Variants in FBXO31 observed in about 807,000 individuals in gnomAD.
FBXO31 encodes the protein F-box protein 31.
In FBXO31, 24 loss-of-function variants were observed where a neutral mutation model predicts 54.4. The ratio of observed to expected loss-of-function variants is 0.44; its 90% CI spans 0.32 to 0.62. The LOEUF (loss-of-function observed/expected upper bound fraction) is 0.62, where lower values mean the gene tolerates loss of function less well. Among genes scored for constraint, FBXO31 ranks in the 20% least tolerant of loss-of-function variants. The pLI is 0.05. For missense variants in FBXO31, 665 were observed against 787.1 expected (o/e 0.84, Z 1.86); for synonymous variants, 388 against 335.6 (o/e 1.16, Z -1.71).
intron 1 of FBXO31, among the ~76,000 whole-genome samples, chr16:87,363,951 A>C (rs564411515): frequency 1.2e-3 from 179 of 152,352 alleles, no homozygotes; most frequent in African/African-American, 4.1e-3. Flanking sequence ...AATATTCACC[A>C]GCAAATGTTT....
intron 1 of FBXO31, among the ~76,000 whole-genome samples, chr16:87,370,231 T>C (rs951736438): frequency 6.6e-6 from 1 of 152,108 alleles, no homozygotes; most frequent in African/African-American, 2.4e-5. Flanking sequence ...GAAGGGAAGA[T>C]GAAGAGGACG....
At chr16:87,343,826 C>T (rs1416236336) in intron 3 of FBXO31, 61 bp from the exon 4 acceptor site, 13 of 1,578,802 alleles carry the variant, frequency 8.2e-6, no homozygotes, top group South Asian at 2.3e-5. Context: ...AGGGCGGCCC[C>T]GCACGGCTCC....
intron 2 of FBXO31, among the ~76,000 whole-genome samples, chr16:87,350,664 C>G (rs1428044881): frequency 6.6e-6 from 1 of 152,108 alleles, no homozygotes; most frequent in Non-Finnish European, 1.5e-5. Flanking sequence ...AATGGAGGTT[C>G]ACTGGACAAT....
intron 1 of FBXO31, among the ~76,000 whole-genome samples, chr16:87,381,893 A>G (rs1327383216): frequency 6.6e-6 from 1 of 152,046 alleles, no homozygotes; most frequent in Non-Finnish European, 1.5e-5. Flanking sequence ...GCACGGTGGC[A>G]CGCATCTGTA....
At chr16:87,367,048 G>T (rs966416642) in intron 1 of FBXO31, 4 of 151,988 alleles carry the variant, frequency 2.6e-5, no homozygotes, top group African/African-American at 9.7e-5. Flanking sequence ...AGGCACAGTG[G>T]CACACCTGTA....
intron 1 of FBXO31, among the ~76,000 whole-genome samples, chr16:87,377,005 C>G (rs1351855697): frequency 6.6e-6 from 1 of 152,240 alleles, no homozygotes; most frequent in Non-Finnish European, 1.5e-5. Flanking sequence ...TGCCCACGGT[C>G]TGATACCTGA....
At chr16:87,379,177 T>G (rs1011734744) in intron 1 of FBXO31, among the ~76,000 whole-genome samples, 10 of 151,998 alleles carry the variant, frequency 6.6e-5, no homozygotes, top group African/African-American at 1.9e-4. Context: ...CAGGCTGGAG[T>G]GCAATGGCAT....
intron 2 of FBXO31, among the ~76,000 whole-genome samples, chr16:87,348,912 G>A (rs992272844): frequency 7.2e-5 from 11 of 152,204 alleles, no homozygotes; most frequent in African/African-American, 1.4e-4. Flanking sequence ...GGAGTACACC[G>A]GAATCCAGCA....
In FBXO31 at chr16:87,335,437, C is replaced by G. The variant is rs1232052486; in HGVS notation, c.863G>C (p.Arg288Pro). 6.2e-7 allele frequency: 1 copy of G among 1,612,668 alleles called. No homozygotes were observed. Reference sequence around the variant, plus strand: ...GGGGCGGCTGGGCGGCAGGTAGATGCGGCGGTAGGTCAGGCAGTTGCTGTG... The same window carrying G: ...GGGGCGGCTGGGCGGCAGGTAGATGGGGCGGTAGGTCAGGCAGTTGCTGTG... ...SQYDNCLTYR[R>P]IYLPPSRPDD... The change falls in exon 7 of 9, where the codon CGC becomes CCC. Residue 288 changes from arginine (R) to proline (P), a missense_variant. Arg to Pro is a moderately radical substitution (Grantham distance 103, BLOSUM62 -2). Transcript: ENST00000311635. This position sits in a 1 kb window ranked among gnomAD's most constrained non-coding sequence, Gnocchi z 5.7.
At chr16:87,355,646 G>A (rs1485346080) in intron 2 of FBXO31, among the ~76,000 whole-genome samples, 1 of 152,194 alleles carries the variant, frequency 6.6e-6, no homozygotes, top group African/African-American at 2.4e-5. Context: ...ATGAACAACA[G>A]TATGTCAATC....
intron 1 of FBXO31, among the ~76,000 whole-genome samples, chr16:87,378,662 C>G (rs1459024773): frequency 2.6e-5 from 4 of 152,148 alleles, no homozygotes; most frequent in Non-Finnish European, 5.9e-5. Context: ...GAAAAATGTT[C>G]AAATATATAC....
chr16:87,370,712 CAG>C, intron 1 of FBXO31, among the ~76,000 whole-genome samples: 1 of 152,324 alleles, frequency 6.6e-6, no homozygotes, highest in East Asian at 1.9e-4. Flanking sequence ...CTCCCTGGAG[CAG>C]AGTGAAGCCA....
At chr16:87,375,307 AAAAAAC>A (rs1285540887) in intron 1 of FBXO31, among the ~76,000 whole-genome samples, 5 of 151,988 alleles carry the variant, frequency 3.3e-5, no homozygotes, top group African/African-American at 4.8e-5. Flanking sequence ...ACGCCGTCTC[AAAAAAC>A]AAAAACAAAA....
chr16:87,364,809 C>G (rs554635815), intron 1 of FBXO31, among the ~76,000 whole-genome samples: 1 of 151,052 alleles, frequency 6.6e-6, no homozygotes, highest in Non-Finnish European at 1.5e-5. Flanking sequence ...ATTACCTGAG[C>G]TCAGGAGTTA....
chr16:87,343,146 G>A (rs1340733425), intron 4 of FBXO31, among the ~76,000 whole-genome samples, 195 bp from the exon 5 acceptor site: 1 of 152,250 alleles, frequency 6.6e-6, no homozygotes, highest in Non-Finnish European at 1.5e-5. Flanking sequence ...CCAAGAGCAG[G>A]AGGCAGTGGC....
At position 87,335,519 on chromosome 16, in the gene FBXO31, CA is replaced by C; in HGVS notation, c.843-63del. 1 of 1,023,512 alleles carries C rather than the reference CA, an allele frequency of 9.8e-7. No homozygotes were observed. The allele number at this position is 1,023,512 out of a possible 1,614,324, so 63.4% of individuals were successfully genotyped here. ...TGGGGCAGGCAGGACTGAGAACGCC[CA>C]AGGTGCCAGGGATGAGCTTTGCAGG... On this transcript the variant is annotated intron_variant, in intron 6 of 8. Transcript: ENST00000311635. The surrounding 1 kb of genome is among the most constrained non-coding windows in gnomAD (Gnocchi z 5.7).
chr16:87,378,958 T>G (rs1487678431), intron 1 of FBXO31, among the ~76,000 whole-genome samples: 1 of 139,182 alleles, frequency 7.2e-6, no homozygotes, highest in South Asian at 2.2e-4. Flanking sequence ...CAAGACTCCA[T>G]CTCAAAAAAA....
chr16:87,347,026 A>G, intron 3 of FBXO31, 148 bp downstream of exon 3: 1 of 743,776 alleles, frequency 1.3e-6, no homozygotes, highest in South Asian at 1.5e-5. Context: ...TGGCTCCTGA[A>G]AAGTGACAGA....
In FBXO31 at chr16:87,331,384, C is replaced by G; in HGVS notation, c.1524G>C (p.Leu508=). ...GGAAGGTGGCCTGGACCCGGCTGTA[C>G]AGGCTGAAGGATTTCAGCTCCAGCC... ...FVWLELKSFS[L]YSRVQATFRN... Residue 508 remains leucine, a synonymous_variant, in exon 9 of 9, where the codon CTG becomes CTC. Transcript: ENST00000311635. 1.2e-6 allele frequency: 2 copies of G among 1,613,960 alleles called. No homozygotes were observed. Among genetic ancestry groups the G allele is most frequent in the Non-Finnish European group, 8.5e-7 (1 of 1,180,034 alleles).
Sources: gnomAD v4.1 joint callset for allele counts (sites outside exome capture counted in the v4.1 genomes callset) on GRCh38, gnomAD v4.1.1 for gene constraint, Gnocchi (gnomAD v3.1) non-coding constraint, MANE v1.5 for transcripts, NCBI Gene and HGNC (gene_info 2026-07-23, HGNC 2026-07-21) for gene names.